Variants in WDPCP observed in about 807,000 individuals in gnomAD.
WDPCP encodes the protein WD repeat-containing and planar cell polarity effector protein fritz homolog.
WDPCP carries 71 observed loss-of-function variants against 93.1 expected under a neutral mutation model. The observed-to-expected ratio is 0.76, with a 90% confidence interval of 0.63 to 0.93. The LOEUF is 0.93. WDPCP is among the 40% of genes least tolerant of loss of function. The probability of loss-of-function intolerance (pLI) is 0.00; values close to 1 mark genes in which losing one functional copy is unlikely to be tolerated. For synonymous variants in WDPCP, 315 were observed against 315.0 expected (o/e 1.00, Z 0.00); for missense variants, 844 against 887.4 (o/e 0.95, Z 0.62).
intron 9 of WDPCP, among the ~76,000 whole-genome samples, chr2:63,422,076 A>C (rs1695906814): frequency 1.3e-5 from 2 of 152,116 alleles, no homozygotes. Flanking sequence ...TAATCAACCC[A>C]AAAACAACAG....
chr2:63,292,132 CAAAAAAAAAAAA>C (rs58370764), intron 13 of WDPCP, among the ~76,000 whole-genome samples: 3 of 83,388 alleles, frequency 3.6e-5, no homozygotes, highest in Non-Finnish European at 7.0e-5. Context: ...GACTCCGGCT[CAAAAAAAAAAAA>C]AAAAAAAGAA....
At chr2:63,289,047 AT>A (rs1373372465) in intron 13 of WDPCP, among the ~76,000 whole-genome samples, 1 of 152,100 alleles carries the variant, frequency 6.6e-6, no homozygotes, top group Non-Finnish European at 1.5e-5. Context: ...ATAAATATAA[AT>A]TTTGATTACT....
chr2:63,454,151 T>C (rs999297795), intron 6 of WDPCP, among the ~76,000 whole-genome samples: 4 of 149,008 alleles, frequency 2.7e-5, no homozygotes, highest in African/African-American at 7.4e-5. Flanking sequence ...GTGGCACATA[T>C]ACACCATGGA....
intron 1 of WDPCP, chr2:63,564,209 T>C (rs1327277352): frequency 6.6e-6 from 1 of 152,220 alleles, no homozygotes; most frequent in African/African-American, 2.4e-5. Flanking sequence ...AAGAATATTT[T>C]TGGAAATTTC....
At chr2:63,432,975 G>A (rs1048763160) in intron 9 of WDPCP, among the ~76,000 whole-genome samples, 1 of 152,116 alleles carries the variant, frequency 6.6e-6, no homozygotes, top group Non-Finnish European at 1.5e-5. Context: ...CTGATTTAGA[G>A]GCAAATATAG....
chr2:63,690,107 T>C (rs1379424517), intron 2 of WDPCP, among the ~76,000 whole-genome samples: 1 of 152,208 alleles, frequency 6.6e-6, no homozygotes, highest in East Asian at 1.9e-4. Flanking sequence ...AGTGGACCCA[T>C]GCACAAAGGA....
chr2:63,309,075 T>TA (rs1191769265), intron 13 of WDPCP, among the ~76,000 whole-genome samples: 1 of 152,072 alleles, frequency 6.6e-6, no homozygotes, highest in Admixed American at 6.6e-5. Flanking sequence ...CACATGGACA[T>TA]AAAGATGGAA....
rs538484665 is a variant in WDPCP at position 63,481,143 on chromosome 2, C to T, written c.384+3461G>A. Among the ~76,000 whole-genome samples, 4 of 152,126 alleles carry T rather than the reference C, an allele frequency of 2.6e-5. No homozygotes were observed. The East Asian group carries it at 7.7e-4, about 29-fold the overall frequency. ...GCCAGCAAACACATGGAAAAACGCT[C>T]AATATCACTAATGATCAGGGAAATG... On this transcript the variant is annotated intron_variant, in intron 6 of 17. Transcript: ENST00000272321.
intron 2 of WDPCP, among the ~76,000 whole-genome samples, chr2:63,659,852 C>A (rs950253796): frequency 1.1e-4 from 17 of 152,164 alleles, no homozygotes; most frequent in African/African-American, 4.1e-4. Context: ...GACCAGCTTG[C>A]TCTCTCATGG....
upstream of WDPCP, chr2:63,588,727 T>A: frequency 2.1e-6 from 1 of 477,490 alleles, no homozygotes; most frequent in East Asian, 4.0e-5. Context: ...GCCCAAACCA[T>A]CCGTTTGTTG....
chr2:63,224,992 G>C (rs1346696839), intron 14 of WDPCP, among the ~76,000 whole-genome samples: 1 of 151,482 alleles, frequency 6.6e-6, no homozygotes, highest in Non-Finnish European at 1.5e-5. Flanking sequence ...ATATGTGTGG[G>C]AACTGGGGTT....
In WDPCP at chr2:63,362,277, T is replaced by TTGGGTGTGTGTGTGTGTGTGTGTG. The variant is rs1553362983; in HGVS notation, c.1748+16108_1748+16109insCACACACACACACACACACACCCA. On this transcript the variant is annotated intron_variant, in intron 12 of 17. Transcript: ENST00000272321. Reference sequence around the variant, plus strand: ...GAATCCCTTTTTTTTTTTTTTTTGGTTGTGTGTGTGTGTGTGTGTGTGTGT... The same window carrying TTGGGTGTGTGTGTGTGTGTGTGTG: ...GAATCCCTTTTTTTTTTTTTTTTGGTTGGGTGTGTGTGTGTGTGTGTGTGTGTGTGTGTGTGTGTGTGTGTGTGT... Among the ~76,000 whole-genome samples the TTGGGTGTGTGTGTGTGTGTGTGTG allele has an allele frequency of 3.0e-4, 28 of 94,108 alleles. 2 individuals carry two copies. The highest frequency in any genetic ancestry group is 1.2e-3 in the African/African-American group (27 of 21,668). The allele number at this position is 94,108 out of a possible 152,430, so 61.7% of individuals were successfully genotyped here. A position where few individuals can be genotyped will look rare whatever the true frequency, so the allele number is the denominator to read the frequency against.
intron 15 of WDPCP, among the ~76,000 whole-genome samples, chr2:63,159,113 A>G (rs1574758447): frequency 6.6e-6 from 1 of 150,614 alleles, no homozygotes; most frequent in African/African-American, 2.4e-5. Flanking sequence ...CTGTGATTGC[A>G]CCATTGCAAT....
At chr2:63,390,294 C>A (rs200658951) in intron 10 of WDPCP, among the ~76,000 whole-genome samples, 3 of 29,886 alleles carry the variant, frequency 1.0e-4, no homozygotes, top group African/African-American at 3.4e-4. Context: ...TCCTGAATGA[C>A]TGACTACTGG....
At chr2:63,472,900 A>C (rs1699776510) in intron 6 of WDPCP, among the ~76,000 whole-genome samples, 3 of 152,204 alleles carry the variant, frequency 2.0e-5, no homozygotes, top group Admixed American at 2.0e-4. Flanking sequence ...TCTTGTTTCC[A>C]GGATGCAACA....
intron 2 of WDPCP, among the ~76,000 whole-genome samples, chr2:63,769,174 G>A (rs1575768650): frequency 1.3e-5 from 2 of 152,014 alleles, no homozygotes; most frequent in East Asian, 3.9e-4. Context: ...CATAGCTCAA[G>A]GTTGTTGGGG....
At chr2:63,214,202 A>G (rs1310282011) in intron 14 of WDPCP, among the ~76,000 whole-genome samples, 1 of 152,224 alleles carries the variant, frequency 6.6e-6, no homozygotes, top group Non-Finnish European at 1.5e-5. Context: ...TCCATGATGA[A>G]CATTGATGCA....
chr2:63,784,775 T>C (rs980381036), intron 2 of WDPCP, among the ~76,000 whole-genome samples: 1 of 152,200 alleles, frequency 6.6e-6, no homozygotes, highest in Non-Finnish European at 1.5e-5. Context: ...TGTATACAAC[T>C]GTATTGTAGT....
intron 2 of WDPCP, among the ~76,000 whole-genome samples, chr2:63,812,029 T>G (rs928389271): frequency 6.6e-6 from 1 of 152,040 alleles, no homozygotes; most frequent in Non-Finnish European, 1.5e-5. Flanking sequence ...CATGCCCAGC[T>G]AATTGTATTT....
Sources: gnomAD v4.1 joint callset for allele counts (sites outside exome capture counted in the v4.1 genomes callset) on GRCh38, gnomAD v4.1.1 for gene constraint, MANE v1.5 for transcripts, NCBI Gene and HGNC (gene_info 2026-07-23, HGNC 2026-07-21) for gene names.